Variants in FGD6 observed in about 807,000 individuals in gnomAD.
FGD6 encodes FYVE, RhoGEF and PH domain-containing protein 6.
A neutral mutation model predicts 149.4 loss-of-function variants in FGD6; 90 were observed. The observed-to-expected ratio is 0.60, with a 90% CI of 0.51 to 0.72. The LOEUF is 0.72. Ranked by LOEUF, FGD6 falls within the 30% of genes least tolerant of loss-of-function variation. The probability of loss-of-function intolerance (pLI) is 0.00; values close to 1 mark genes in which losing one functional copy is unlikely to be tolerated. For synonymous variants in FGD6, 527 were observed against 584.0 expected (o/e 0.90, Z 1.41); for missense variants, 1,437 against 1,684.8 (o/e 0.85, Z 2.57).
intron 8 of FGD6, among the ~76,000 whole-genome samples, chr12:95,129,632 T>G (rs970637751): frequency 1.3e-5 from 2 of 152,164 alleles, no homozygotes; most frequent in Non-Finnish European, 2.9e-5. Flanking sequence ...TCAAACAGGA[T>G]CCAGCCTGAT....
At chr12:95,166,791 T>C (rs1434473965) in intron 3 of FGD6, among the ~76,000 whole-genome samples, 1 of 152,026 alleles carries the variant, frequency 6.6e-6, no homozygotes, top group Non-Finnish European at 1.5e-5. Flanking sequence ...AGTATTCCAT[T>C]GTAGGAATAT....
intron 2 of FGD6, among the ~76,000 whole-genome samples, chr12:95,178,141 TC>T (rs1712259923): frequency 6.6e-6 from 1 of 152,104 alleles, no homozygotes; most frequent in African/African-American, 2.4e-5. Flanking sequence ...ATTTTCTCCA[TC>T]CCTTACTCAA....
rs746866198 is a variant in FGD6, at chr12:95,209,465, A to G, written c.1819T>C (p.Ser607Pro). ...ALTKPRAKSL[S>P]AMDVEKCTKP... ...GTGCACTTTTCCACATCCATAGCAG[A>G]TAACGATTTTGCTCTGGGCTTGGTT... Residue 607 changes from serine to proline, a missense_variant, in exon 2 of 21, where the codon TCT becomes CCT. Ser to Pro is a moderately conservative substitution (Grantham distance 74). Coordinates refer to ENST00000343958, the MANE Select transcript of FGD6 (RefSeq NM_018351.4). 14 of 1,612,026 alleles carry G rather than the reference A, an allele frequency of 8.7e-6. No homozygotes were observed. In the South Asian group the frequency reaches 1.2e-4, roughly 14 times the overall value.
intron 2 of FGD6, among the ~76,000 whole-genome samples, chr12:95,195,347 G>C (rs1881709856): frequency 6.6e-6 from 1 of 152,014 alleles, no homozygotes; most frequent in Non-Finnish European, 1.5e-5. Flanking sequence ...GAGGCCACAG[G>C]ACTTCACCAG....
intron 5 of FGD6, among the ~76,000 whole-genome samples, chr12:95,144,988 CTT>C (rs34338776): frequency 1.8e-4 from 18 of 98,836 alleles, no homozygotes; most frequent in African/African-American, 2.9e-4. Context: ...CGCACCCGGC[CTT>C]TTTTTTTTTT....
At chr12:95,169,315 T>C (rs1186845606) in intron 3 of FGD6, among the ~76,000 whole-genome samples, 1 of 151,858 alleles carries the variant, frequency 6.6e-6, no homozygotes, top group Non-Finnish European at 1.5e-5. Flanking sequence ...GGTAAATGCT[T>C]GAGATGATGA....
chr12:95,137,699 C>A (rs1172953973), intron 6 of FGD6, 21 bp from the exon 7 acceptor site: 3 of 1,521,296 alleles, frequency 2.0e-6, no homozygotes, highest in Admixed American at 2.2e-5. Flanking sequence ...AGAAGAGATA[C>A]ACAAAAAAAT....
chr12:95,145,233 C>A (rs1415111876), intron 5 of FGD6, among the ~76,000 whole-genome samples: 3 of 152,114 alleles, frequency 2.0e-5, no homozygotes, highest in Non-Finnish European at 4.4e-5. Flanking sequence ...AAGTGATCTT[C>A]CTGTCTCAGC....
intron 8 of FGD6, among the ~76,000 whole-genome samples, chr12:95,128,310 G>A (rs1379044876): frequency 2.6e-5 from 4 of 152,114 alleles, no homozygotes; most frequent in Admixed American, 1.3e-4. Flanking sequence ...GATCATGGCT[G>A]ATTGCAGCCT....
intron 4 of FGD6, 39 bp from the exon 5 acceptor site, chr12:95,152,880 C>G (rs778116268): frequency 5.6e-6 from 9 of 1,613,604 alleles, no homozygotes; most frequent in Non-Finnish European, 7.6e-6. Flanking sequence ...TTTAAATGTG[C>G]CAATGGGGGG....
At chr12:95,089,748 C>A in intron 17 of FGD6, 52 bp from the exon 18 acceptor site, 1 of 1,597,416 alleles carries the variant, frequency 6.3e-7, no homozygotes, top group South Asian at 1.1e-5. Context: ...TTTTGCAATT[C>A]AATTTCATTC....
At chr12:95,091,998 G>A (rs1878071636) in intron 16 of FGD6, among the ~76,000 whole-genome samples, 189 bp from the exon 17 acceptor site, 1 of 152,112 alleles carries the variant, frequency 6.6e-6, no homozygotes, top group African/African-American at 2.4e-5. Context: ...TACCACACTT[G>A]AAAGATGAAG....
chr12:95,096,014 C>CAA lies in FGD6; in HGVS notation c.3498-1322_3498-1321dup, dbSNP rs11383119. On this transcript the variant is annotated intron_variant, in intron 14 of 20. Coordinates refer to ENST00000343958, the MANE Select transcript of FGD6 (RefSeq NM_018351.4). ...GGGTGACAGAGCAACACACTGTCTC[C>CAA]AAAAAAAAAAAAAGCAGAAGTAAAA... Among the ~76,000 whole-genome samples, 230 of 124,702 alleles carry CAA rather than the reference C, an allele frequency of 1.8e-3. 2 individuals carry two copies. The highest frequency in any genetic ancestry group is 4.4e-3 in the African/African-American group (154 of 34,612). 81.8% of individuals were successfully genotyped at this position (124,702 alleles called of 152,430 possible).
At chr12:95,124,982 G>A (rs1879293218) in intron 8 of FGD6, among the ~76,000 whole-genome samples, 1 of 152,014 alleles carries the variant, frequency 6.6e-6, no homozygotes, top group Non-Finnish European at 1.5e-5. Context: ...TAATTACTAT[G>A]TCATGATTAA....
At chr12:95,112,770 A>T (rs1297298345) in intron 9 of FGD6, among the ~76,000 whole-genome samples, 1 of 152,170 alleles carries the variant, frequency 6.6e-6, no homozygotes, top group African/African-American at 2.4e-5. Context: ...AGGAACTCCA[A>T]TTATCCCACT....
intron 14 of FGD6, among the ~76,000 whole-genome samples, chr12:95,098,727 T>A (rs115386684): frequency 0.048 from 7,303 of 152,252 alleles, 205 homozygotes; most frequent in Middle Eastern, 0.082. Context: ...CAGTTTAAGG[T>A]CCTTTGCTTT....
chr12:95,156,237 G>C (rs1030516753), intron 3 of FGD6, among the ~76,000 whole-genome samples: 24 of 152,300 alleles, frequency 1.6e-4, no homozygotes, highest in Non-Finnish European at 1.5e-5. Flanking sequence ...GGGAGGAACA[G>C]AGCCATATTT....
At chr12:95,169,152 G>A (rs1339590128) in intron 3 of FGD6, among the ~76,000 whole-genome samples, 3 of 152,052 alleles carry the variant, frequency 2.0e-5, no homozygotes, top group African/African-American at 7.2e-5. Flanking sequence ...GGAGGGTATT[G>A]GGAATATTTA....
chr12:95,180,784 C>T (rs538925481), intron 2 of FGD6, among the ~76,000 whole-genome samples: 1 of 152,126 alleles, frequency 6.6e-6, no homozygotes, highest in African/African-American at 2.4e-5. Flanking sequence ...CCGACACACA[C>T]AGAGTCTGAA....
Sources: gnomAD v4.1 joint callset for allele counts (sites outside exome capture counted in the v4.1 genomes callset) on GRCh38, gnomAD v4.1.1 for gene constraint, MANE v1.5 for transcripts, NCBI Gene and HGNC (gene_info 2026-07-23, HGNC 2026-07-21) for gene names.